Variants in CLTRN observed in about 807,000 individuals in gnomAD.
The protein encoded by CLTRN is collectrin, amino acid transport regulator.
In CLTRN, 12 loss-of-function variants were observed where a neutral mutation model predicts 14.5. The ratio of observed to expected loss-of-function variants is 0.83; its 90% CI spans 0.53 to 1.34. The LOEUF (loss-of-function observed/expected upper bound fraction) is 1.34. Ranked by LOEUF, CLTRN falls within the 40% of genes most tolerant of loss-of-function variation. CLTRN has a pLI of 0.00. For synonymous variants in CLTRN, 58 were observed against 56.5 expected (o/e 1.03, Z -0.12); for missense variants, 154 against 165.1 (o/e 0.93, Z 0.37).
At chrX:15,653,064 G>C (rs1209894884) in intron 3 of CLTRN, among the ~76,000 whole-genome samples, 1 of 111,591 alleles carries the variant, frequency 9.0e-6, no homozygotes, top group African/African-American at 3.3e-5. Flanking sequence ...CTGGGTGACA[G>C]AGCGAGACTC....
intron 1 of CLTRN, 102 bp downstream of exon 1, chrX:15,664,616 A>G (rs1929581038): frequency 1.2e-6 from 1 of 849,460 alleles, no homozygotes; most frequent in Admixed American, 2.6e-5. Context: ...TTCAAGCCAC[A>G]ACATGTCTGC....
intron 3 of CLTRN, among the ~76,000 whole-genome samples, chrX:15,656,346 G>C (rs191789867): frequency 8.9e-6 from 1 of 112,338 alleles, no homozygotes; most frequent in Admixed American, 9.4e-5. Flanking sequence ...CTGGGTAAAA[G>C]GTGGGATGAA....
chrX:15,629,209 T>C (rs17264937), intron 5 of CLTRN, among the ~76,000 whole-genome samples: 24,689 of 110,046 alleles, frequency 0.22, 2,472 homozygotes, highest in East Asian at 0.43. Context: ...CAGAAAAGAA[T>C]AGATCATCTG....
intron 5 of CLTRN, among the ~76,000 whole-genome samples, chrX:15,637,337 T>G (rs1928841680): frequency 8.9e-6 from 1 of 111,771 alleles, no homozygotes; most frequent in Non-Finnish European, 1.9e-5. Context: ...CACTTCAAAC[T>G]GCACCCTCTC....
At chrX:15,671,872 ACACACACACAC>A (rs943417345) in intron 1 of CLTRN, among the ~76,000 whole-genome samples, 8 of 91,937 alleles carry the variant, frequency 8.7e-5, no homozygotes, top group South Asian at 9.2e-4. Context: ...ACACACACAC[ACACACACACAC>A]AATTTCCAGT....
chrX:15,652,346 T>C lies in CLTRN; in HGVS notation c.203+6670A>G, dbSNP rs141069922. Among the ~76,000 whole-genome samples, 35 of 111,157 alleles carry C rather than the reference T, an allele frequency of 3.1e-4. No homozygotes were observed. In the East Asian group the frequency reaches 9.2e-3, roughly 29 times the overall value. ...TTTCAAGATTTTAAATATGAATGAG[T>C]CCAATGGAATTATTTTTTGTTGTTG... On this transcript the variant is annotated intron_variant, in intron 3 of 5. Coordinates refer to ENST00000380342, the MANE Select transcript of CLTRN (RefSeq NM_020665.6).
chrX:15,637,184 A>G (rs1928837557), intron 5 of CLTRN, among the ~76,000 whole-genome samples: 1 of 111,394 alleles, frequency 9.0e-6, no homozygotes, highest in Non-Finnish European at 1.9e-5. Flanking sequence ...TACCACAAAA[A>G]CTATGTTCAT....
chrX:15,650,473 T>G (rs1221165535), intron 3 of CLTRN, among the ~76,000 whole-genome samples: 1 of 112,144 alleles, frequency 8.9e-6, no homozygotes, highest in Admixed American at 9.4e-5. Context: ...AGCATAAGGA[T>G]GGTATTAATA....
At chrX:15,667,036 G>C (rs915298988), upstream of CLTRN, among the ~76,000 whole-genome samples, 25 of 105,282 alleles carry the variant, frequency 2.4e-4, no homozygotes, top group Non-Finnish European at 4.5e-4. Context: ...AGGAGTTCAA[G>C]ACCAGCCTGG....
At chrX:15,646,874 C>A in intron 3 of CLTRN, 1 of 298,831 alleles carries the variant, frequency 3.3e-6, no homozygotes, top group Non-Finnish European at 6.5e-6. Context: ...ATGCCCAGGC[C>A]ATCTGCCTTC....
chrX:15,632,774 C>T (rs1928727593), intron 5 of CLTRN, among the ~76,000 whole-genome samples: 1 of 105,315 alleles, frequency 9.5e-6, no homozygotes, highest in Admixed American at 1.0e-4. Context: ...GTCCCAGCTA[C>T]TCGGGAGGCC....
intron 5 of CLTRN, among the ~76,000 whole-genome samples, chrX:15,638,417 A>C (rs1452962748): frequency 9.0e-6 from 1 of 111,214 alleles, no homozygotes; most frequent in Non-Finnish European, 1.9e-5. Context: ...TCTGTTAGTT[A>C]CTAGGGTGAA....
Position 15,648,380 on chromosome X carries a change from T to G in CLTRN, c.204-3351A>C, listed in dbSNP as rs925339280. ...AGGTTGTTTAGCAGCAAATCTGAGC[T>G]CTATCTACCAGGTATCAGGACTACC... On this transcript the variant is annotated intron_variant, in intron 3 of 5. Coordinates refer to ENST00000380342, the MANE Select transcript of CLTRN (RefSeq NM_020665.6). Among the ~76,000 whole-genome samples, 11 of 111,712 alleles carry G rather than the reference T, an allele frequency of 9.8e-5. No homozygotes were observed. The South Asian group carries it at 4.1e-3, about 42-fold the overall frequency.
chrX:15,650,173 A>AC (rs894939021), intron 3 of CLTRN, among the ~76,000 whole-genome samples: 11 of 103,805 alleles, frequency 1.1e-4, no homozygotes, highest in Admixed American at 3.2e-4. Context: ...ATTGCAGGGA[A>AC]CCCCCCCACC....
chrX:15,636,765 A>G (rs970541647), intron 5 of CLTRN, among the ~76,000 whole-genome samples: 2 of 111,546 alleles, frequency 1.8e-5, no homozygotes, highest in African/African-American at 6.5e-5. Flanking sequence ...ATTACTGTTT[A>G]TTTAGTGCAC....
intron 4 of CLTRN, among the ~76,000 whole-genome samples, chrX:15,644,592 G>C (rs1929016731): frequency 9.0e-6 from 1 of 111,002 alleles, no homozygotes; most frequent in South Asian, 3.8e-4. Flanking sequence ...GACTGAAAAA[G>C]GTAAGCTATT....
chrX:15,658,498 C>T (rs1448220341), intron 3 of CLTRN, among the ~76,000 whole-genome samples: 2 of 111,791 alleles, frequency 1.8e-5, no homozygotes, highest in East Asian at 5.6e-4. Context: ...GGAATGTTAC[C>T]CTCATCACAA....
chrX:15,667,570 GT>G (rs1308073333), upstream of CLTRN, among the ~76,000 whole-genome samples: 6 of 112,713 alleles, frequency 5.3e-5, no homozygotes, highest in East Asian at 1.6e-3. Flanking sequence ...AATTGTCAAT[GT>G]TTTCTAAATA....
At chrX:15,652,555 G>A (rs1271951439) in intron 3 of CLTRN, among the ~76,000 whole-genome samples, 1 of 109,589 alleles carries the variant, frequency 9.1e-6, no homozygotes, top group Non-Finnish European at 1.9e-5. Flanking sequence ...TTATAGTACC[G>A]CTAAGTTCAT....
Sources: gnomAD v4.1 joint callset for allele counts (sites outside exome capture counted in the v4.1 genomes callset) on GRCh38, gnomAD v4.1.1 for gene constraint, MANE v1.5 for transcripts, NCBI Gene and HGNC (gene_info 2026-07-23, HGNC 2026-07-21) for gene names.